Variants in ENOSF1 observed in about 807,000 individuals in gnomAD.
The protein encoded by ENOSF1 is mitochondrial enolase superfamily member 1.
A neutral mutation model predicts 68.2 loss-of-function variants in ENOSF1; 73 were observed. That is an observed-to-expected ratio of 1.07 (90% CI 0.89 to 1.30). The LOEUF is 1.30. Ranked by LOEUF, ENOSF1 falls within the 50% of genes most tolerant of loss-of-function variation. ENOSF1 has a pLI of 0.00. For missense variants in ENOSF1, 589 were observed against 554.5 expected (o/e 1.06, Z -0.62); for synonymous variants, 223 against 210.4 (o/e 1.06, Z -0.52).
In ENOSF1 at chr18:694,866, CAT is replaced by C. The variant is rs549013252; in HGVS notation, c.310-534_310-533del. On this transcript the variant is annotated intron_variant, in intron 3 of 15. Transcript: ENST00000647584. ...ATGTATATACATATGAACACACACA[CAT>C]ATGTACTTCTTTTTTCTGAACCATT... Among the ~76,000 whole-genome samples the C allele has an allele frequency of 1.5e-4, 23 of 152,186 alleles. No individual in the cohort carries two copies. In the East Asian group the frequency reaches 4.1e-3, roughly 27 times the overall value.
downstream of ENOSF1, among the ~76,000 whole-genome samples, chr18:667,424 T>A (rs370168519): frequency 7.4e-3 from 21 of 2,850 alleles, 3 homozygotes; most frequent in Non-Finnish European, 0.015. Flanking sequence ...ATGGTGATGG[T>A]GATGGAGATG....
Position 674,380 on chromosome 18 carries a change from C to G in ENOSF1, c.1257G>C (p.Lys419Asn). The G allele has an allele frequency of 6.2e-7, 1 of 1,612,590 alleles. No individual in the cohort carries two copies. Among genetic ancestry groups the G allele is most frequent in the Non-Finnish European group, 8.5e-7 (1 of 1,179,484 alleles). Residue 419 changes from lysine to asparagine, a missense_variant, in exon 16 of 16, where the codon AAG becomes AAC. Transcript: ENST00000647584. ...PKDPGYSTEM[K>N]EESVKKHQYP... ...ACTGGTGTTTCTTTACAGATTCCTC[C>G]TTCATTTCTGTTGAGTAGCCGGGAT...
chr18:712,309 A>T lies in ENOSF1; in HGVS notation c.84+195T>A. On this transcript the variant is annotated intron_variant, in intron 1 of 15. Coordinates refer to ENST00000647584, the MANE Select transcript of ENOSF1 (RefSeq NM_017512.7). The stretch of plus-strand genomic sequence containing the variant: ...AGTCGGGAAGCTGCCCGGGGCCCGC[A>T]GAGCTGCAGTCGGCGGGGCGGGAGG... 2.0e-6 allele frequency: 3 copies of T among 1,484,454 alleles called. 1 individual carries two copies. Among genetic ancestry groups the T allele is most frequent in the South Asian group, 2.4e-5 (2 of 82,498 alleles). The allele number at this position is 1,484,454 out of a possible 1,614,324, so 92.0% of individuals were successfully genotyped here.
chr18:688,966 G>C (rs569359352), intron 8 of ENOSF1, among the ~76,000 whole-genome samples: 3 of 152,300 alleles, frequency 2.0e-5, no homozygotes, highest in East Asian at 3.9e-4. Context: ...CCACTCTCTA[G>C]AAGTGGGCAC....
At chr18:670,047 T>G (rs1419310055), downstream of ENOSF1, among the ~76,000 whole-genome samples, 16 of 54,110 alleles carry the variant, frequency 3.0e-4, no homozygotes, top group Admixed American at 2.2e-3. Flanking sequence ...AGAGACTTAT[T>G]TTTTTTTTTT....
intron 2 of ENOSF1, among the ~76,000 whole-genome samples, chr18:703,332 A>G (rs1223937009): frequency 6.6e-6 from 1 of 152,166 alleles, no homozygotes; most frequent in Non-Finnish European, 1.5e-5. Flanking sequence ...CGTGTGCCCA[A>G]GTCAGCAAAG....
chr18:672,689 T>A lies in ENOSF1; in HGVS notation c.*1616A>T, dbSNP rs2075120216. ...CTCTCGATCTGTGCAAGAGAACAGCTGGTTGCGCTCCAATCATGTTACATA... is the reference window on the plus strand; with the variant it reads ...CTCTCGATCTGTGCAAGAGAACAGCAGGTTGCGCTCCAATCATGTTACATA... On this transcript the variant is annotated 3_prime_UTR_variant, in exon 16 of 16. Coordinates refer to ENST00000647584, the MANE Select transcript of ENOSF1 (RefSeq NM_017512.7). 1.7e-6 allele frequency: 1 copy of A among 595,962 alleles called. No homozygotes were observed. Among genetic ancestry groups the A allele is most frequent in the South Asian group, 3.5e-5 (1 of 28,526 alleles). The allele number at this position is 595,962 out of a possible 1,614,324, so 36.9% of individuals were successfully genotyped here.
chr18:667,992 ATTTTT>A (rs60409589), downstream of ENOSF1, among the ~76,000 whole-genome samples: 1 of 105,368 alleles, frequency 9.5e-6, no homozygotes, highest in South Asian at 3.5e-4. Flanking sequence ...ATTCACAGGA[ATTTTT>A]TTTTTTTTTT....
chr18:665,303 C>A, the ENOSF1 span, among the ~76,000 whole-genome samples: 5 of 150,892 alleles, frequency 3.3e-5, no homozygotes, highest in Admixed American at 1.3e-4. Flanking sequence ...AGTTTATTTG[C>A]GTAGAGGTGT....
chr18:683,954 C>T (rs2076361555), intron 10 of ENOSF1, among the ~76,000 whole-genome samples: 2 of 151,650 alleles, frequency 1.3e-5, no homozygotes, highest in Admixed American at 1.3e-4. Flanking sequence ...TGCCTGTAAT[C>T]TCAACACTCT....
At chr18:668,333 T>C (rs1035214142), downstream of ENOSF1, among the ~76,000 whole-genome samples, 2 of 152,214 alleles carry the variant, frequency 1.3e-5, no homozygotes, top group Non-Finnish European at 2.9e-5. Flanking sequence ...CTGACACTAA[T>C]AGGTAGAAAT....
chr18:699,068 T>A (rs533542295), intron 2 of ENOSF1, among the ~76,000 whole-genome samples: 1 of 152,196 alleles, frequency 6.6e-6, no homozygotes, highest in South Asian at 2.1e-4. Flanking sequence ...GGGCAGTGGG[T>A]GGGGAGGTTC....
At chr18:677,615 T>A in intron 13 of ENOSF1, 128 bp downstream of exon 13, 1 of 1,354,700 alleles carries the variant, frequency 7.4e-7, no homozygotes, top group Non-Finnish European at 1.0e-6. Context: ...TAAAGCTAAA[T>A]GAGAGTTAGA....
intron 11 of ENOSF1, among the ~76,000 whole-genome samples, chr18:679,960 G>A (rs2075908856): frequency 6.6e-6 from 1 of 152,176 alleles, no homozygotes; most frequent in African/African-American, 2.4e-5. Flanking sequence ...TCAATCCAAT[G>A]GGAGAGGAGC....
rs2079735186 is a variant in ENOSF1, at chr18:712,623, T to C, written c.-36A>G. 7.6e-7 allele frequency: 1 copy of C among 1,323,954 alleles called. No homozygotes were observed. Among genetic ancestry groups the C allele is most frequent in the African/African-American group, 1.5e-5 (1 of 65,264 alleles). 82.0% of individuals were successfully genotyped at this position (1,323,954 alleles called of 1,614,324 possible). On this transcript the variant is annotated 5_prime_UTR_variant, in exon 1 of 16. Coordinates refer to ENST00000647584, the MANE Select transcript of ENOSF1 (RefSeq NM_017512.7). ...CCCCGTGGCCGCGGCCCCCGTGCGGTCAGGACTGGTCGGGATCCCGAGCGC... is the reference window on the plus strand; with the variant it reads ...CCCCGTGGCCGCGGCCCCCGTGCGGCCAGGACTGGTCGGGATCCCGAGCGC...
chr18:678,375 T>C, intron 12 of ENOSF1: 1 of 438,658 alleles, frequency 2.3e-6, no homozygotes, highest in South Asian at 3.3e-5. Flanking sequence ...CAGTCATGTT[T>C]ATTCAATTTG....
chr18:696,703 A>G (rs2847162), intron 3 of ENOSF1, among the ~76,000 whole-genome samples: 50,670 of 152,072 alleles, frequency 0.33, 8,747 homozygotes, highest in Admixed American at 0.37. Flanking sequence ...AGCTAAATTC[A>G]GTCTTGAGTC....
intron 12 of ENOSF1, chr18:678,290 TG>T: frequency 3.3e-6 from 1 of 303,376 alleles, no homozygotes; most frequent in South Asian, 4.4e-5. Context: ...CTCCTCACGC[TG>T]CTCTGCTCGT....
chr18:683,592 G>A (rs1426938953), intron 10 of ENOSF1, among the ~76,000 whole-genome samples: 1 of 152,102 alleles, frequency 6.6e-6, no homozygotes, highest in Non-Finnish European at 1.5e-5. Flanking sequence ...ACAGTCTTTA[G>A]GAGGAGCCGT....
Sources: gnomAD v4.1 joint callset for allele counts (sites outside exome capture counted in the v4.1 genomes callset) on GRCh38, gnomAD v4.1.1 for gene constraint, MANE v1.5 for transcripts, NCBI Gene and HGNC (gene_info 2026-07-23, HGNC 2026-07-21) for gene names.